LMOD1: variants seen among roughly 807,000 people sequenced by gnomAD.
LMOD1 encodes leiomodin 1.
Under a neutral mutation model 36.5 loss-of-function variants are expected in LMOD1, and 8 were observed. That is an observed-to-expected ratio of 0.22 (90% CI 0.13 to 0.40). The LOEUF (loss-of-function observed/expected upper bound fraction) is 0.40. Among genes scored for constraint, LMOD1 ranks in the 10% least tolerant of loss-of-function variants. The probability of loss-of-function intolerance (pLI) is 1.00; values close to 1 mark genes in which losing one functional copy is unlikely to be tolerated. For synonymous variants in LMOD1, 284 were observed against 288.7 expected, an observed-to-expected ratio of 0.98 and a Z score of 0.17; for missense variants, 630 against 751.1, an observed-to-expected ratio of 0.84 and a Z score of 1.88.
chr1:201,909,363 A>C (rs1681456411), intron 1 of LMOD1, among the ~76,000 whole-genome samples: 1 of 152,010 alleles, frequency 6.6e-6, no homozygotes, highest in South Asian at 2.1e-4. Flanking sequence ...AAATTCTAAC[A>C]CTGGAGGAGC....
intron 1 of LMOD1, among the ~76,000 whole-genome samples, chr1:201,937,437 A>T (rs527632073): frequency 6.6e-5 from 10 of 151,708 alleles, no homozygotes; most frequent in Non-Finnish European, 1.3e-4. Flanking sequence ...ACAGAGTAAG[A>T]TCCTGTCTCA....
chr1:201,902,737 G>A (rs974494077), intron 1 of LMOD1, among the ~76,000 whole-genome samples: 7 of 152,124 alleles, frequency 4.6e-5, no homozygotes, highest in Admixed American at 1.3e-4. Flanking sequence ...GAGCCGCCGC[G>A]CCAGGCTGGG....
intron 1 of LMOD1, among the ~76,000 whole-genome samples, chr1:201,915,556 G>T (rs940929739): frequency 6.6e-6 from 1 of 152,054 alleles, no homozygotes; most frequent in Non-Finnish European, 1.5e-5. Flanking sequence ...ATCAGAACCC[G>T]GCTGGGAAGA....
chr1:201,908,923 G>A (rs1182155246), intron 1 of LMOD1, among the ~76,000 whole-genome samples: 5 of 152,140 alleles, frequency 3.3e-5, no homozygotes, highest in Non-Finnish European at 5.9e-5. Flanking sequence ...GACAGCATGC[G>A]ACCCAATCCG....
intron 1 of LMOD1, among the ~76,000 whole-genome samples, chr1:201,934,376 G>A (rs1160361548): frequency 3.9e-5 from 6 of 152,090 alleles, no homozygotes; most frequent in African/African-American, 1.4e-4. Context: ...TATCAACCTG[G>A]CTGTATCTTG....
chr1:201,927,431 T>C (rs564379117), intron 1 of LMOD1, among the ~76,000 whole-genome samples: 17 of 152,206 alleles, frequency 1.1e-4, no homozygotes, highest in African/African-American at 4.1e-4. Context: ...CCGGGTGTGG[T>C]GGCGTGTGCC....
At chr1:201,922,012 T>G (rs1681714565) in intron 1 of LMOD1, among the ~76,000 whole-genome samples, 1 of 151,924 alleles carries the variant, frequency 6.6e-6, no homozygotes, top group South Asian at 2.1e-4. Context: ...ACAAAATCCA[T>G]GCCCTTTGAG....
At chr1:201,942,589 A>G (rs1468893818) in intron 1 of LMOD1, among the ~76,000 whole-genome samples, 1 of 152,106 alleles carries the variant, frequency 6.6e-6, no homozygotes, top group Non-Finnish European at 1.5e-5. Flanking sequence ...TAGCCAGAGT[A>G]TGCATCTTGG....
chr1:201,930,051 G>A (rs1334398421), intron 1 of LMOD1, among the ~76,000 whole-genome samples: 1 of 152,148 alleles, frequency 6.6e-6, no homozygotes, highest in African/African-American at 2.4e-5. Flanking sequence ...AAGGCACAGA[G>A]GAAGCAAGAT....
In LMOD1 at chr1:201,898,055, C is replaced by A. The variant is rs140402660; in HGVS notation, c.*317G>T. On this transcript the variant is annotated 3_prime_UTR_variant, in exon 3 of 3. Transcript: ENST00000367288. ...TGGGACATCTTTCCTGGATCACAGG[C>A]CTTTTGCAGCTTGCCAGCTACATGG... 13 of 357,034 alleles carry A rather than the reference C, an allele frequency of 3.6e-5. No homozygotes were observed. In the East Asian group the frequency reaches 4.6e-4, roughly 13 times the overall value. 22.1% of individuals were successfully genotyped at this position (357,034 alleles called of 1,614,324 possible).
At chr1:201,915,540 A>G (rs4494199) in intron 1 of LMOD1, among the ~76,000 whole-genome samples, 65,482 of 151,604 alleles carry the variant, frequency 0.43, 14,570 homozygotes, top group East Asian at 0.55. Context: ...ACACCCAGTG[A>G]CTCCAATCAG....
chr1:201,944,342 G>A (rs1329577779), intron 1 of LMOD1, among the ~76,000 whole-genome samples: 1 of 152,168 alleles, frequency 6.6e-6, no homozygotes, highest in African/African-American at 2.4e-5. Context: ...TCACACTCTT[G>A]CTTGTGATTA....
In LMOD1 at chr1:201,897,440, C is replaced by G. The variant is rs954714945; in HGVS notation, c.*932G>C. On this transcript the variant is annotated 3_prime_UTR_variant, in exon 3 of 3. Coordinates refer to ENST00000367288, the MANE Select transcript of LMOD1 (RefSeq NM_012134.3). ...CTAGTAGAGGCCTGGCCTTCTAGAC[C>G]TGGACAACCAGGTCAGTGGAGAGTC... is the stretch of plus-strand genomic sequence containing the variant. 10 of 153,304 alleles carry G rather than the reference C, an allele frequency of 6.5e-5. No homozygotes were observed. The highest frequency in any genetic ancestry group is 1.4e-4 in the African/African-American group (6 of 41,452). The allele number at this position is 153,304 out of a possible 1,614,324, so 9.5% of individuals were successfully genotyped here. A position where few individuals can be genotyped will look rare whatever the true frequency, so the allele number is the denominator to read the frequency against.
rs200281666 is a variant in LMOD1 at position 201,899,509 on chromosome 1, C to T, written c.1504G>A (p.Gly502Arg). ...TTTGGGGAGCCCTTAGCCACGGCCC[C>T]GGCCTTGGGTACCTCCAGCAGATCC... ...KKDLLEVPKA[G>R]AVAKGSPKPS... is the part of the protein sequence containing the mutation. Residue 502 changes from glycine to arginine, a missense_variant, in exon 2 of 3, where the codon GGG becomes AGG. Gly to Arg is a moderately radical substitution (Grantham distance 125). Coordinates refer to ENST00000367288, the MANE Select transcript of LMOD1 (RefSeq NM_012134.3). The surrounding 1 kb of genome is among the most constrained non-coding windows in gnomAD (Gnocchi z 6.3). 237 of 1,613,844 alleles carry T rather than the reference C, an allele frequency of 1.5e-4. No individual in the cohort carries two copies. The highest frequency in any genetic ancestry group is 7.3e-4 in the Admixed American group (44 of 59,996).
At chr1:201,937,697 T>A (rs1181951597) in intron 1 of LMOD1, among the ~76,000 whole-genome samples, 1 of 152,038 alleles carries the variant, frequency 6.6e-6, no homozygotes, top group Admixed American at 6.6e-5. Flanking sequence ...GCCCATGAGA[T>A]GGAAGTTGCA....
chr1:201,900,187 G>A lies in LMOD1; in HGVS notation c.826C>T (p.Pro276Ser). ...KDDEKVKKNE[P>S]LHEKEAKDDS... ...TCCTTGGCTTCCTTTTCATGTAAGG[G>A]TTCATTCTTCTTGACTTTTTCATCG... is the stretch of plus-strand genomic sequence containing the variant. Residue 276 changes from proline to serine, a missense_variant, in exon 2 of 3, where the codon CCC (proline) becomes TCC (serine). By Grantham distance (74) the Pro-to-Ser change is moderately conservative. Around this residue, in one of 3 missense-constraint regions of LMOD1, gnomAD observed 405 missense variants for 400.6 expected, o/e 1.01. Transcript: ENST00000367288. 1 of 1,613,886 alleles carries A rather than the reference G, an allele frequency of 6.2e-7. No homozygotes were observed. The highest frequency in any genetic ancestry group is 1.3e-5 in the African/African-American group (1 of 75,002).
intron 1 of LMOD1, among the ~76,000 whole-genome samples, chr1:201,919,394 G>T (rs1681662706): frequency 6.6e-6 from 1 of 151,868 alleles, no homozygotes; most frequent in African/African-American, 2.4e-5. Flanking sequence ...AGTAGAGACG[G>T]GGTTTCACCA....
chr1:201,935,724 T>C (rs928093648), intron 1 of LMOD1, among the ~76,000 whole-genome samples: 14 of 151,416 alleles, frequency 9.2e-5, no homozygotes, highest in Non-Finnish European at 2.1e-4. Flanking sequence ...GCCCAGCTAA[T>C]TTTTGTATTT....
chr1:201,930,787 G>A (rs1681904489), intron 1 of LMOD1, among the ~76,000 whole-genome samples: 1 of 152,192 alleles, frequency 6.6e-6, no homozygotes, highest in Non-Finnish European at 1.5e-5. Context: ...AGTATGAGCT[G>A]CTCACAGAGG....
Sources: allele counts gnomAD v4.1 joint callset (sites outside exome capture counted in the v4.1 genomes callset), GRCh38; gene constraint gnomAD v4.1.1; regional missense constraint gnomAD v4.1.1; non-coding constraint Gnocchi (gnomAD v3.1); transcripts MANE v1.5; gene names NCBI Gene and HGNC (gene_info 2026-07-23, HGNC 2026-07-21).